SP100: variants seen among roughly 807,000 people sequenced by gnomAD.
The protein encoded by SP100 is nuclear autoantigen Sp-100.
A neutral mutation model predicts 130.0 loss-of-function variants in SP100; 84 were observed. The observed-to-expected ratio is 0.65, with a 90% CI of 0.54 to 0.77. SP100 has a LOEUF of 0.77. Ranked by LOEUF, SP100 falls within the 30% of genes least tolerant of loss-of-function variation. The probability of loss-of-function intolerance (pLI) is 0.00; values close to 1 mark genes in which losing one functional copy is unlikely to be tolerated. For missense variants in SP100, 978 were observed against 1,052.2 expected (o/e 0.93, Z 0.97); for synonymous variants, 331 against 351.7 (o/e 0.94, Z 0.66).
intron 24 of SP100, chr2:230,515,271 G>A: frequency 6.2e-7 from 1 of 1,610,106 alleles, no homozygotes; most frequent in Non-Finnish European, 8.5e-7. Flanking sequence ...CTCCTAAAGG[G>A]GAGAAAAAAA....
chr2:230,515,693 A>G (rs1318306417), intron 24 of SP100: 2 of 1,548,176 alleles, frequency 1.3e-6, no homozygotes, highest in Non-Finnish European at 1.7e-6. Context: ...AGCTGCCTGT[A>G]CACAACTCAC....
intron 2 of SP100, among the ~76,000 whole-genome samples, chr2:230,434,826 GT>G (rs2063201112): frequency 6.6e-6 from 1 of 152,186 alleles, no homozygotes; most frequent in Non-Finnish European, 1.5e-5. Flanking sequence ...AGAATCTCTG[GT>G]GTAGTCAAGA....
chr2:230,504,345 C>T (rs1301325734), intron 21 of SP100, 55 bp downstream of exon 21: 1 of 1,069,140 alleles, frequency 9.4e-7, no homozygotes, highest in Non-Finnish European at 1.4e-6. Flanking sequence ...ACACAGATAG[C>T]ATACTGTTTA....
At chr2:230,459,885 G>A (rs758090690) in intron 8 of SP100, among the ~76,000 whole-genome samples, 3 of 152,078 alleles carry the variant, frequency 2.0e-5, no homozygotes, top group African/African-American at 4.8e-5. Flanking sequence ...CAGTGCCTTC[G>A]TGTGGCCCTT....
Position 230,541,845 on chromosome 2 carries a change from T to A in SP100, c.2404-47T>A, listed in dbSNP as rs374467473. ...AACCTTTATTCCATAATAGTGGGAG[T>A]CTATGGCACTGGGCTGATAGCCTCA... On this transcript the variant is annotated intron_variant, in intron 27 of 28. Transcript: ENST00000340126. 9 of 1,584,444 alleles carry A rather than the reference T, an allele frequency of 5.7e-6. No individual in the cohort carries two copies. The African/African-American group carries it at 1.2e-4, about 22-fold the overall frequency.
chr2:230,542,805 T>C (rs1400188980), intron 28 of SP100, 31 bp from the exon 29 acceptor site: 1 of 1,350,366 alleles, frequency 7.4e-7, no homozygotes, highest in East Asian at 2.3e-5. Flanking sequence ...ATTGCATAAC[T>C]GCTATATTGT....
intron 24 of SP100, among the ~76,000 whole-genome samples, chr2:230,524,179 C>CAAAAAAAA (rs71420292): frequency 4.6e-3 from 345 of 75,154 alleles, no homozygotes; most frequent in African/African-American, 0.013. Context: ...ACTAAAAATA[C>CAAAAAAAA]AAAAAAAAAA....
At chr2:230,463,952 G>A (rs998242244) in intron 10 of SP100, 115 bp from the exon 11 acceptor site, 4 of 683,376 alleles carry the variant, frequency 5.9e-6, no homozygotes, top group Admixed American at 2.3e-5. Context: ...GTGTACAGGC[G>A]AGGACTTGCA....
chr2:230,530,338 C>G (rs1324933745), intron 24 of SP100, among the ~76,000 whole-genome samples: 1 of 152,164 alleles, frequency 6.6e-6, no homozygotes, highest in African/African-American at 2.4e-5. Flanking sequence ...GAAAGGATTT[C>G]CTATTTAATA....
intron 13 of SP100, among the ~76,000 whole-genome samples, chr2:230,468,214 CT>C (rs972494356): frequency 6.6e-6 from 1 of 152,160 alleles, no homozygotes; most frequent in African/African-American, 2.4e-5. Context: ...ACAACCCAAA[CT>C]CTTAATAAAC....
intron 24 of SP100, among the ~76,000 whole-genome samples, chr2:230,535,313 T>C (rs1418253111): frequency 6.6e-6 from 1 of 152,170 alleles, no homozygotes; most frequent in East Asian, 1.9e-4. Context: ...TTTCATTAGA[T>C]TAGAGAGAGA....
chr2:230,450,358 TTTAAAA>T, intron 8 of SP100, 103 bp downstream of exon 8: 1 of 750,954 alleles, frequency 1.3e-6, no homozygotes, highest in Non-Finnish European at 2.3e-6. Flanking sequence ...GTAACCACTT[TTTAAAA>T]TTACCAGATT....
chr2:230,464,168 G>A lies in SP100; in HGVS notation c.1141+18G>A, dbSNP rs189457585. ...TGTACCAGGTAAGAATATTAGAGTTGCAACCCGAGACTGTAGAATATCCAG... is the reference window on the plus strand; with the variant it reads ...TGTACCAGGTAAGAATATTAGAGTTACAACCCGAGACTGTAGAATATCCAG... On this transcript the variant is annotated intron_variant, in intron 11 of 28. Coordinates refer to ENST00000340126, the MANE Select transcript of SP100 (RefSeq NM_001080391.2). 3.5e-5 allele frequency: 51 copies of A among 1,462,304 alleles called. No homozygotes were observed. Among genetic ancestry groups the A allele is most frequent in the Middle Eastern group, 1.7e-4 (1 of 5,734 alleles). The allele number at this position is 1,462,304 out of a possible 1,614,324, so 90.6% of individuals were successfully genotyped here. A position where few individuals can be genotyped will look rare whatever the true frequency, so the allele number is the denominator to read the frequency against.
chr2:230,540,254 G>T (rs534269806), intron 25 of SP100, among the ~76,000 whole-genome samples: 2 of 152,292 alleles, frequency 1.3e-5, no homozygotes, highest in Non-Finnish European at 2.9e-5. Flanking sequence ...TCACTAGGAT[G>T]GGTCATTGTG....
At chr2:230,504,054 A>G (rs2067186343) in intron 20 of SP100, 132 bp from the exon 21 acceptor site, 1 of 586,236 alleles carries the variant, frequency 1.7e-6, no homozygotes. Context: ...GGACTTTGAA[A>G]TGTAACTGAT....
intron 24 of SP100, among the ~76,000 whole-genome samples, chr2:230,527,947 C>A (rs974351623): frequency 6.6e-6 from 1 of 152,168 alleles, no homozygotes; most frequent in Non-Finnish European, 1.5e-5. Context: ...TACAGACCTA[C>A]AAAGAGACTG....
At chr2:230,538,738 T>C (rs1692048953) in intron 24 of SP100, 1 of 153,322 alleles carries the variant, frequency 6.5e-6, no homozygotes, top group Non-Finnish European at 1.5e-5. Flanking sequence ...CCACGGTTTT[T>C]CCATCCCAGA....
chr2:230,445,031 G>A (rs11695277), intron 4 of SP100, among the ~76,000 whole-genome samples: 24,744 of 152,188 alleles, frequency 0.16, 2,159 homozygotes, highest in Non-Finnish European at 0.19. Context: ...TTTGCCTTCA[G>A]TGAAGCAGAA....
chr2:230,470,962 A>G (rs1471991935), intron 15 of SP100, among the ~76,000 whole-genome samples: 2 of 138,430 alleles, frequency 1.4e-5, no homozygotes, highest in East Asian at 4.2e-4. Flanking sequence ...ACATAAACAC[A>G]CACATATGTG....
Sources: gnomAD v4.1 joint callset for allele counts (sites outside exome capture counted in the v4.1 genomes callset) on GRCh38, gnomAD v4.1.1 for gene constraint, MANE v1.5 for transcripts, NCBI Gene and HGNC (gene_info 2026-07-23, HGNC 2026-07-21) for gene names.